The following SHPRH variants were observed in gnomAD, a reference collection of about 807,000 sequenced individuals.
The protein encoded by SHPRH is SNF2 histone linker PHD RING helicase, also known as E3 ubiquitin-protein ligase SHPRH.
Under a neutral mutation model 202.5 loss-of-function variants are expected in SHPRH, and 106 were observed. The observed-to-expected ratio is 0.52, with a 90% CI of 0.45 to 0.62. The LOEUF (loss-of-function observed/expected upper bound fraction) is 0.62. SHPRH is among the 20% of genes least tolerant of loss of function. The pLI is 0.00. For missense variants in SHPRH, 1,710 were observed against 2,020.0 expected (o/e 0.85, Z 2.94); for synonymous variants, 729 against 686.0 (o/e 1.06, Z -0.98).
chr6:145,950,502 T>G lies in SHPRH; in HGVS notation c.764-20A>C, dbSNP rs1371933272. On this transcript the variant is annotated intron_variant, in intron 3 of 29. Transcript: ENST00000275233. ...ACACATCTGTACATCACACAGCAAA[T>G]GTACTCAAAAACTGATAGGTTTTTT... The G allele has an allele frequency of 3.1e-6, 5 of 1,607,094 alleles. No individual in the cohort carries two copies. Among genetic ancestry groups the G allele is most frequent in the Non-Finnish European group, 3.4e-6 (4 of 1,175,514 alleles).
rs1211594907 is a variant in SHPRH at position 145,913,528 on chromosome 6, C to T, written c.4276G>A (p.Gly1426Ser). The T allele has an allele frequency of 3.7e-6, 6 of 1,608,672 alleles. No homozygotes were observed. The highest frequency in any genetic ancestry group is 5.1e-6 in the Non-Finnish European group (6 of 1,177,732). Residue 1426 changes from glycine (G) to serine (S), a missense_variant, in exon 24 of 30, where the codon GGT (glycine) becomes AGT (serine). Around this residue, in one of 8 missense-constraint regions of SHPRH, gnomAD observed 306 missense variants for 479.5 expected, o/e 0.64. Coordinates refer to ENST00000275233, the MANE Select transcript of SHPRH (RefSeq NM_001042683.3). ...ATTGGGCAAGGTTCTGGATTAACAC[C>T]TCCCGATGTTTTATCTTGAGACTAT... ...LEKSQDKTSGGVNPEPCPICA... is the reference protein window; with the variant it reads ...LEKSQDKTSGSVNPEPCPICA...
rs78939642 is a variant in SHPRH at position 145,932,009 on chromosome 6, G to C, written c.3112+1048C>G. On this transcript the variant is annotated intron_variant, in intron 14 of 29. Coordinates refer to ENST00000275233, the MANE Select transcript of SHPRH (RefSeq NM_001042683.3). ...AGTCTTCTTCGTTTTTCATGTTGGA[G>C]AGTTTCTATTGCTATTCTATACTTT... Among the ~76,000 whole-genome samples, 974 of 151,828 alleles carry C rather than the reference G, an allele frequency of 6.4e-3. 15 individuals are homozygous for C. The highest frequency in any genetic ancestry group is 0.023 in the African/African-American group (953 of 41,410).
At chr6:145,864,604 ATTT>A (rs547513559) in intron 2 of SHPRH, 71 of 149,560 alleles carry the variant, frequency 4.7e-4, no homozygotes, top group South Asian at 6.7e-4. Context: ...AAAGAAAGAA[ATTT>A]TTTTTTTTTT....
At chr6:145,872,934 C>G (rs895442671) in intron 2 of SHPRH, among the ~76,000 whole-genome samples, 2 of 152,190 alleles carry the variant, frequency 1.3e-5, no homozygotes, top group African/African-American at 4.8e-5. Context: ...TACACAGGAA[C>G]AGAAAACCAA....
intron 23 of SHPRH, chr6:145,917,918 G>A: frequency 2.6e-6 from 1 of 380,604 alleles, no homozygotes; most frequent in Admixed American, 4.5e-5. Context: ...ACTATCGAGT[G>A]CATGCCTTCT....
chr6:145,959,607 T>G (rs1454870254), intron 1 of SHPRH, among the ~76,000 whole-genome samples: 1 of 152,204 alleles, frequency 6.6e-6, no homozygotes, highest in African/African-American at 2.4e-5. Flanking sequence ...AAATTAAATG[T>G]TATAAACTCA....
At chr6:145,943,844 A>C (rs1787070968) in intron 8 of SHPRH, 42 bp from the exon 9 acceptor site, 2 of 1,498,946 alleles carry the variant, frequency 1.3e-6, no homozygotes, top group Non-Finnish European at 1.8e-6. Flanking sequence ...AACTAGTTGC[A>C]TTTCTGAAAT....
chr6:145,922,667 T>G lies in SHPRH; in HGVS notation c.3715A>C (p.Asn1239His), dbSNP rs1445329484. 2 of 1,601,986 alleles carry G rather than the reference T, an allele frequency of 1.2e-6. No homozygotes were observed. The highest frequency in any genetic ancestry group is 1.7e-6 in the Non-Finnish European group (2 of 1,175,556). ...ATGATTTCTTCTATTACCTACCAGT[T>G]GAGAGGAAGTCTGGCTGGTCGGAGG... ...CHLRPARLPLNCCVFCKADEL... is the reference protein window; with the variant it reads ...CHLRPARLPLHCCVFCKADEL... Residue 1239 changes from asparagine (N) to histidine (H), a missense_variant, in exon 19 of 30, where the codon AAC (asparagine) becomes CAC (histidine). Transcript: ENST00000275233.
chr6:145,943,913 C>A, intron 8 of SHPRH, 111 bp from the exon 9 acceptor site: 2 of 1,041,554 alleles, frequency 1.9e-6, no homozygotes, highest in Non-Finnish European at 2.7e-6. Flanking sequence ...GTCTTTGCTA[C>A]CCTTTTCCCT....
chr6:145,900,532 A>C (rs891350776), intron 25 of SHPRH, among the ~76,000 whole-genome samples: 1 of 152,050 alleles, frequency 6.6e-6, no homozygotes, highest in Non-Finnish European at 1.5e-5. Context: ...TAAATGGTGC[A>C]AAGTTTTAGT....
intron 1 of SHPRH, among the ~76,000 whole-genome samples, chr6:145,959,347 ATATT>A (rs1788842496): frequency 6.6e-6 from 1 of 152,146 alleles, no homozygotes; most frequent in Non-Finnish European, 1.5e-5. Context: ...TACATTTTCT[ATATT>A]TAAATATGTT....
Position 145,920,100 on chromosome 6 carries a change from C to T in SHPRH, c.4009-609G>A, listed in dbSNP as rs774810356. ...TTTCTGAAATTCACAGAAATGGTAT[C>T]AATCAGTATACATTTTTTGACAGGC... is the stretch of plus-strand genomic sequence containing the variant. On this transcript the variant is annotated intron_variant, in intron 21 of 29. Transcript: ENST00000275233. Among the ~76,000 whole-genome samples, 31 of 152,082 alleles carry T rather than the reference C, an allele frequency of 2.0e-4. 1 individual carries two copies. The highest frequency in any genetic ancestry group is 3.8e-4 in the Non-Finnish European group (26 of 68,000).
chr6:145,954,609 A>C, intron 2 of SHPRH, 81 bp downstream of exon 2: 2 of 1,440,322 alleles, frequency 1.4e-6, no homozygotes, highest in Non-Finnish European at 1.9e-6. Flanking sequence ...CTGGCTTTTC[A>C]GACTTCTCTC....
Position 145,913,545 on chromosome 6 carries a change from T to C in SHPRH, c.4259A>G (p.Gln1420Arg). Residue 1420 changes from glutamine to arginine, a missense_variant, in exon 24 of 30, where the codon CAA becomes CGA. Physicochemically the swap from Gln to Arg is conservative, Grantham distance 43 (BLOSUM62 1). Coordinates refer to ENST00000275233, the MANE Select transcript of SHPRH (RefSeq NM_001042683.3). ...LLYLTNLEKS[Q>R]DKTSGGVNPE... The stretch of plus-strand genomic sequence containing the variant: ...ATTAACACCTCCCGATGTTTTATCT[T>C]GAGACTATCCAAAAAAGAATTAAAA... The C allele has an allele frequency of 6.2e-7, 1 of 1,606,684 alleles. No individual in the cohort carries two copies. The highest frequency in any genetic ancestry group is 8.5e-7 in the Non-Finnish European group (1 of 1,177,128).
chr6:145,933,077 G>C lies in SHPRH; in HGVS notation c.3092C>G (p.Ala1031Gly). Residue 1031 changes from alanine (A) to glycine (G), a missense_variant, in exon 14 of 30, where the codon GCA becomes GGA. Ala to Gly is a moderately conservative substitution (Grantham distance 60). This residue lies in a region of SHPRH where 288 missense variants were observed against 317.8 expected (regional missense o/e 0.91). Transcript: ENST00000275233. The part of the protein sequence containing the change: ...RQLVCALNGL[A>G]GIHIIKGEYA... ...TCTACCTTTAATAATATGAATGCCTGCTAAGCCATTGAGAGCACAAACTAG... is the reference window on the plus strand; with the variant it reads ...TCTACCTTTAATAATATGAATGCCTCCTAAGCCATTGAGAGCACAAACTAG... The C allele has an allele frequency of 6.2e-7, 1 of 1,613,626 alleles. No individual in the cohort carries two copies. Among genetic ancestry groups the C allele is most frequent in the Non-Finnish European group, 8.5e-7 (1 of 1,179,756 alleles).
chr6:145,931,536 C>T (rs751877779), intron 14 of SHPRH, among the ~76,000 whole-genome samples: 3 of 152,018 alleles, frequency 2.0e-5, no homozygotes, highest in Non-Finnish European at 2.9e-5. Context: ...CGGGGTTTCA[C>T]CATGTTGGCC....
chr6:145,879,300 A>G (rs1780444104), intron 2 of SHPRH, among the ~76,000 whole-genome samples: 1 of 152,158 alleles, frequency 6.6e-6, no homozygotes, highest in Non-Finnish European at 1.5e-5. Flanking sequence ...TCTGTTTACT[A>G]ACTTTAAAAA....
At chr6:145,922,869 A>T (rs757998069) in intron 18 of SHPRH, 33 bp from the exon 19 acceptor site, 1 of 1,536,020 alleles carries the variant, frequency 6.5e-7, no homozygotes, top group Middle Eastern at 1.7e-4. Context: ...ACACAATACA[A>T]AGAAAAGAAT....
intron 25 of SHPRH, among the ~76,000 whole-genome samples, chr6:145,902,070 G>C (rs1295338557): frequency 1.3e-5 from 2 of 152,048 alleles, no homozygotes; most frequent in African/African-American, 2.4e-5. Context: ...TTCTGCTCAA[G>C]TCAGCAGCCA....
Sources: allele counts gnomAD v4.1 joint callset (sites outside exome capture counted in the v4.1 genomes callset), GRCh38; gene constraint gnomAD v4.1.1; regional missense constraint gnomAD v4.1.1; transcripts MANE v1.5; gene names NCBI Gene and HGNC (gene_info 2026-07-23, HGNC 2026-07-21).